ESF1: variants seen among roughly 807,000 people sequenced by gnomAD.
ESF1 encodes ESF1 homolog.
Under a neutral mutation model 92.0 loss-of-function variants are expected in ESF1, and 58 were observed. The ratio of observed to expected loss-of-function variants is 0.63; its 90% CI spans 0.51 to 0.78. The LOEUF is 0.78. Ranked by LOEUF, ESF1 falls within the 30% of genes least tolerant of loss-of-function variation. ESF1 has a pLI of 0.00. For missense variants in ESF1, 922 were observed against 989.1 expected (o/e 0.93, Z 0.91); for synonymous variants, 321 against 313.7 (o/e 1.02, Z -0.24).
intron 1 of ESF1, 66 bp downstream of exon 1, chr20:13,784,814 C>CCA: frequency 2.2e-4 from 118 of 546,534 alleles, no homozygotes; most frequent in East Asian, 2.0e-3. Flanking sequence ...TTTCCCCGCG[C>CCA]CACACACACA....
chr20:13,757,699 C>T (rs968101102), intron 9 of ESF1, among the ~76,000 whole-genome samples: 1 of 152,062 alleles, frequency 6.6e-6, no homozygotes, highest in East Asian at 1.9e-4. Flanking sequence ...CCCCTGTGCC[C>T]GGTTTCATAA....
intron 11 of ESF1, among the ~76,000 whole-genome samples, chr20:13,722,827 C>T (rs2049876893): frequency 6.7e-6 from 1 of 150,360 alleles, no homozygotes; most frequent in Non-Finnish European, 1.5e-5. Flanking sequence ...GTGCACTCCA[C>T]CCTGAGTGAC....
At chr20:13,729,747 T>C (rs964502811) in intron 10 of ESF1, among the ~76,000 whole-genome samples, 5 of 150,732 alleles carry the variant, frequency 3.3e-5, no homozygotes, top group Non-Finnish European at 6.0e-5. Context: ...TTATCTTGTT[T>C]TATCTATAAG....
intron 9 of ESF1, among the ~76,000 whole-genome samples, chr20:13,757,217 G>A (rs922694027): frequency 6.6e-6 from 1 of 152,154 alleles, no homozygotes; most frequent in East Asian, 1.9e-4. Flanking sequence ...ATTCCTCTTT[G>A]CCACAAGTAC....
intron 10 of ESF1, 107 bp downstream of exon 10, chr20:13,733,614 T>TAC: frequency 8.4e-7 from 1 of 1,192,614 alleles, no homozygotes; most frequent in Non-Finnish European, 1.1e-6. Flanking sequence ...TAACAAGGCC[T>TAC]ACTTCAGTGA....
chr20:13,715,728 T>C (rs1373761873), intron 13 of ESF1, among the ~76,000 whole-genome samples: 1 of 152,214 alleles, frequency 6.6e-6, no homozygotes, highest in Non-Finnish European at 1.5e-5. Context: ...TTTATCTTCT[T>C]TCTATAAAAA....
At chr20:13,740,896 A>G (rs933087431) in intron 9 of ESF1, among the ~76,000 whole-genome samples, 2 of 152,130 alleles carry the variant, frequency 1.3e-5, no homozygotes, top group African/African-American at 4.8e-5. Context: ...GTGAGCTCAC[A>G]GTAAAATTGC....
intron 8 of ESF1, among the ~76,000 whole-genome samples, chr20:13,763,451 AATCT>A (rs1164237391): frequency 6.6e-6 from 1 of 152,246 alleles, no homozygotes; most frequent in African/African-American, 2.4e-5. Context: ...CCAAAACAGA[AATCT>A]ATTTGAACAA....
Position 13,716,804 on chromosome 20 carries a change from A to ATTTTTTTTTTTTTTTTTTTTTTTTT in ESF1, c.2262+539_2262+563dup, listed in dbSNP as rs71188180. Among the ~76,000 whole-genome samples the ATTTTTTTTTTTTTTTTTTTTTTTTT allele has an allele frequency of 1.1e-4, 5 of 45,918 alleles. 1 individual carries two copies. The highest frequency in any genetic ancestry group is 8.1e-4 in the East Asian group (1 of 1,230). The allele number at this position is 45,918 out of a possible 152,430, so 30.1% of individuals were successfully genotyped here. Reference sequence around the variant, plus strand: ...TACAGGTGTGCGCCACTATACCTGGATTTTTTTTTTTTTTTTTTTTTTTTT... The same window carrying ATTTTTTTTTTTTTTTTTTTTTTTTT: ...TACAGGTGTGCGCCACTATACCTGGATTTTTTTTTTTTTTTTTTTTTTTTTTTTTTTTTTTTTTTTTTTTTTTTTT... On this transcript the variant is annotated intron_variant, in intron 13 of 13. Transcript: ENST00000617257.
At chr20:13,729,886 G>A (rs949329160) in intron 10 of ESF1, among the ~76,000 whole-genome samples, 1 of 152,048 alleles carries the variant, frequency 6.6e-6, no homozygotes, top group Non-Finnish European at 1.5e-5. Flanking sequence ...ACAATAAATA[G>A]AACACATGTG....
At chr20:13,748,507 C>CATATACAT (rs1978402116) in intron 9 of ESF1, among the ~76,000 whole-genome samples, 3 of 131,556 alleles carry the variant, frequency 2.3e-5, no homozygotes, top group African/African-American at 9.2e-5. Flanking sequence ...CATATATACA[C>CATATACAT]ATATATATAC....
intron 9 of ESF1, among the ~76,000 whole-genome samples, chr20:13,742,029 T>A (rs2050016643): frequency 6.6e-6 from 1 of 152,172 alleles, no homozygotes; most frequent in Admixed American, 6.5e-5. Flanking sequence ...GCAAATCAAG[T>A]ACTGCTGGTG....
chr20:13,780,827 T>A (rs1229614295), intron 2 of ESF1, among the ~76,000 whole-genome samples: 1 of 152,210 alleles, frequency 6.6e-6, no homozygotes, highest in Non-Finnish European at 1.5e-5. Flanking sequence ...TTTTAATTAG[T>A]AAACACGTAA....
chr20:13,747,174 T>C (rs2050055167), intron 9 of ESF1, among the ~76,000 whole-genome samples: 1 of 152,144 alleles, frequency 6.6e-6, no homozygotes, highest in Non-Finnish European at 1.5e-5. Context: ...TTTCAACTTT[T>C]GTATTTGTAA....
chr20:13,747,527 T>C (rs890687679), intron 9 of ESF1, among the ~76,000 whole-genome samples: 5 of 149,938 alleles, frequency 3.3e-5, no homozygotes, highest in African/African-American at 1.2e-4. Context: ...ATGGCACCAC[T>C]GCACTGCAGC....
intron 9 of ESF1, among the ~76,000 whole-genome samples, chr20:13,751,948 T>A (rs909006358): frequency 6.6e-6 from 1 of 151,900 alleles, no homozygotes; most frequent in Non-Finnish European, 1.5e-5. Flanking sequence ...TGAGCCAAGA[T>A]AGCACCACTG....
At chr20:13,771,070 T>G (rs1357952711) in intron 6 of ESF1, among the ~76,000 whole-genome samples, 1 of 152,190 alleles carries the variant, frequency 6.6e-6, no homozygotes, top group Non-Finnish European at 1.5e-5. Context: ...AAGGAAATAT[T>G]ATTGTGTAAG....
intron 12 of ESF1, 21 bp from the exon 13 acceptor site, chr20:13,717,535 T>C: frequency 6.2e-7 from 1 of 1,611,524 alleles, no homozygotes; most frequent in Non-Finnish European, 8.5e-7. Flanking sequence ...CAAAAAAAAG[T>C]TCAAATGTAC....
chr20:13,749,232 A>ATTTTTTTTTTTTTTTTTTTTTTTTTTTTT, intron 9 of ESF1, among the ~76,000 whole-genome samples: 2 of 89,664 alleles, frequency 2.2e-5, no homozygotes, highest in Non-Finnish European at 4.1e-5. Flanking sequence ...TGCCCGGCTA[A>ATTTTTTTTTTTTTTTTTTTTTTTTTTTTT]TTTTTTTTTT....
Sources: allele counts gnomAD v4.1 joint callset (sites outside exome capture counted in the v4.1 genomes callset), GRCh38; gene constraint gnomAD v4.1.1; transcripts MANE v1.5; gene names NCBI Gene and HGNC (gene_info 2026-07-23, HGNC 2026-07-21).